The following COL25A1 variants were observed in gnomAD, a reference collection of about 807,000 sequenced individuals.
The protein encoded by COL25A1 is collagen alpha-1(XXV) chain.
In COL25A1, 103 loss-of-function variants were observed where a neutral mutation model predicts 128.4. The ratio of observed to expected loss-of-function variants is 0.80; its 90% CI spans 0.68 to 0.94. COL25A1 has a LOEUF of 0.94. COL25A1 is among the 40% of genes least tolerant of loss of function. The pLI, the probability that COL25A1 is intolerant of heterozygous loss-of-function variation, is 0.00. For missense variants in COL25A1, 745 were observed against 840.0 expected (o/e 0.89, Z 1.40); for synonymous variants, 279 against 277.2 (o/e 1.01, Z -0.06).
chr4:108,826,896 G>A (rs1377540701), intron 33 of COL25A1, among the ~76,000 whole-genome samples: 3 of 152,180 alleles, frequency 2.0e-5, no homozygotes, highest in South Asian at 4.1e-4. Context: ...TCTAGAGACA[G>A]TCTCTGATCC....
At chr4:109,195,718 G>A (rs1775985700) in intron 3 of COL25A1, among the ~76,000 whole-genome samples, 1 of 151,916 alleles carries the variant, frequency 6.6e-6, no homozygotes, top group Non-Finnish European at 1.5e-5. Context: ...AGAAGCCAAG[G>A]AAAACAAAAT....
intron 6 of COL25A1, among the ~76,000 whole-genome samples, chr4:109,001,380 T>C (rs2126030126): frequency 6.6e-6 from 1 of 152,296 alleles, no homozygotes; most frequent in African/African-American, 2.4e-5. Context: ...AACAGGCATC[T>C]GAGATCCTGT....
intron 8 of COL25A1, chr4:108,942,195 T>G: frequency 6.5e-7 from 1 of 1,549,914 alleles, no homozygotes; most frequent in Non-Finnish European, 8.7e-7. Flanking sequence ...CAGGCATGAG[T>G]GACAACCACA....
At chr4:108,865,597 T>TAA (rs997952939) in intron 20 of COL25A1, among the ~76,000 whole-genome samples, 2 of 152,218 alleles carry the variant, frequency 1.3e-5, no homozygotes, top group African/African-American at 4.8e-5. Context: ...TATTGGTATA[T>TAA]AAAAATTATT....
At chr4:108,941,317 A>G in intron 9 of COL25A1, 49 bp downstream of exon 9, 1 of 1,440,120 alleles carries the variant, frequency 6.9e-7, no homozygotes, top group Non-Finnish European at 9.8e-7. Context: ...TACACAGAGC[A>G]ATAACTGATG....
intron 3 of COL25A1, among the ~76,000 whole-genome samples, chr4:109,111,114 CATGGAGTCTTTATTCGGCCAT>C (rs1419861049): frequency 6.6e-6 from 1 of 152,196 alleles, no homozygotes; most frequent in Admixed American, 6.6e-5. Flanking sequence ...CCTCCCTGCA[CATGGAGTCTTTATTCGGCCAT>C]AAATTGTGTT....
chr4:109,074,099 A>G (rs1560642047), intron 3 of COL25A1, among the ~76,000 whole-genome samples: 1 of 152,166 alleles, frequency 6.6e-6, no homozygotes, highest in Non-Finnish European at 1.5e-5. Context: ...GATTCTCGTA[A>G]GGAGCATGCA....
At chr4:109,030,032 A>G (rs1758682907) in intron 5 of COL25A1, among the ~76,000 whole-genome samples, 1 of 152,028 alleles carries the variant, frequency 6.6e-6, no homozygotes. Flanking sequence ...CCCTTTCTCC[A>G]CACCTCCTGC....
intron 15 of COL25A1, among the ~76,000 whole-genome samples, chr4:108,898,098 T>C (rs1266227290): frequency 1.3e-5 from 2 of 152,214 alleles, no homozygotes; most frequent in African/African-American, 2.4e-5. Context: ...TTGATTTGCA[T>C]GCTTTTTATA....
At chr4:109,207,718 C>T (rs1180078167) in intron 3 of COL25A1, among the ~76,000 whole-genome samples, 1 of 152,132 alleles carries the variant, frequency 6.6e-6, no homozygotes, top group Non-Finnish European at 1.5e-5. Flanking sequence ...AACTTAGTGA[C>T]TACTAACCAT....
At chr4:109,155,241 C>A (rs1029014808) in intron 3 of COL25A1, among the ~76,000 whole-genome samples, 2 of 152,164 alleles carry the variant, frequency 1.3e-5, no homozygotes, top group African/African-American at 4.8e-5. Context: ...TACAAGAACG[C>A]TACAGACCCA....
At chr4:108,897,907 G>A (rs1742333875) in intron 15 of COL25A1, among the ~76,000 whole-genome samples, 1 of 152,184 alleles carries the variant, frequency 6.6e-6, no homozygotes, top group African/African-American at 2.4e-5. Context: ...CAGGCCACAA[G>A]AGCCTGGGAC....
At chr4:109,001,993 T>C (rs1272673696) in intron 6 of COL25A1, among the ~76,000 whole-genome samples, 1 of 152,058 alleles carries the variant, frequency 6.6e-6, no homozygotes, top group Non-Finnish European at 1.5e-5. Flanking sequence ...GAAATGAAAA[T>C]CAAACCATAG....
At chr4:108,892,917 CA>C (rs1197573421) in intron 16 of COL25A1, among the ~76,000 whole-genome samples, 1 of 152,050 alleles carries the variant, frequency 6.6e-6, no homozygotes, top group East Asian at 1.9e-4. Context: ...GATGAGGAGT[CA>C]GGGGGCGGAG....
intron 31 of COL25A1, chr4:108,838,054 A>ATGC (rs1734012200): frequency 1.5e-6 from 2 of 1,375,662 alleles, no homozygotes; most frequent in Non-Finnish European, 2.0e-6. Flanking sequence ...GGTAGAAAGA[A>ATGC]AAATCTGAGA....
intron 11 of COL25A1, among the ~76,000 whole-genome samples, chr4:108,927,984 A>G (rs1247200478): frequency 6.6e-6 from 1 of 152,162 alleles, no homozygotes; most frequent in Non-Finnish European, 1.5e-5. Context: ...AGATATCCAC[A>G]CTAAAATTAG....
intron 13 of COL25A1, among the ~76,000 whole-genome samples, chr4:108,906,916 G>A (rs985382034): frequency 2.0e-5 from 3 of 152,228 alleles, no homozygotes; most frequent in Non-Finnish European, 4.4e-5. Context: ...AAGATGTGAA[G>A]CACTGAACAG....
At chr4:109,103,077 T>A (rs916094604) in intron 3 of COL25A1, among the ~76,000 whole-genome samples, 1 of 152,194 alleles carries the variant, frequency 6.6e-6, no homozygotes, top group African/African-American at 2.4e-5. Context: ...CACAGAAACC[T>A]TTAATTAAGA....
intron 3 of COL25A1, among the ~76,000 whole-genome samples, chr4:109,199,493 T>C (rs1161859672): frequency 6.6e-6 from 1 of 152,070 alleles, no homozygotes; most frequent in Admixed American, 6.6e-5. Flanking sequence ...ACAAATGAGA[T>C]CTATATTTAA....
Sources: allele counts gnomAD v4.1 joint callset (sites outside exome capture counted in the v4.1 genomes callset), GRCh38; gene constraint gnomAD v4.1.1; transcripts MANE v1.5; gene names NCBI Gene and HGNC (gene_info 2026-07-23, HGNC 2026-07-21).